Variants in WBP11 observed in about 807,000 individuals in gnomAD.
WBP11 encodes the protein WW domain-binding protein 11.
A neutral mutation model predicts 66.7 loss-of-function variants in WBP11; 12 were observed. The ratio of observed to expected loss-of-function variants is 0.18; its 90% CI spans 0.12 to 0.29. The LOEUF is 0.29. WBP11 is among the 10% of genes least tolerant of loss of function. The pLI is 1.00. For synonymous variants in WBP11, 255 were observed against 273.8 expected (o/e 0.93, Z 0.68); for missense variants, 555 against 818.3 (o/e 0.68, Z 3.93).
rs1483331879 is a variant in WBP11 at position 14,796,819 on chromosome 12, A to G, written c.375T>C (p.Phe125=). ...EQKRAQLSQY[F]DAVKNAQHVE... is the part of the protein sequence containing the mutation. ...AAACCTTGATTACCTTGACAGCATC[A>G]AAATATTGGCTAAGTTGAGCCCTCT... Residue 125 remains phenylalanine, a synonymous_variant, in exon 5 of 12, where the codon TTT becomes TTC. Transcript: ENST00000261167. This position sits in a 1 kb window ranked among gnomAD's most constrained non-coding sequence, Gnocchi z 4.5. The G allele has an allele frequency of 4.4e-6, 7 of 1,590,428 alleles. No individual in the cohort carries two copies. Among genetic ancestry groups the G allele is most frequent in the South Asian group, 1.2e-5 (1 of 85,056 alleles).
intron 4 of WBP11, among the ~76,000 whole-genome samples, chr12:14,797,419 A>G (rs1489409720): frequency 1.3e-5 from 2 of 152,236 alleles, no homozygotes. Flanking sequence ...ACTTTGTAAT[A>G]AAGCTATGAT....
At position 14,790,884 on chromosome 12, in the gene WBP11, A is replaced by G. The variant is rs143660493; in HGVS notation, c.1016-135T>C. ...ACCAAATAGTCTTCTTCAATAAAAT[A>G]CTTAGATGTGAAAGAAATAACATTC... is the stretch of plus-strand genomic sequence containing the variant. On this transcript the variant is annotated intron_variant, in intron 9 of 11. Transcript: ENST00000261167. 178 of 874,144 alleles carry G rather than the reference A, an allele frequency of 2.0e-4. 1 individual carries two copies. In the East Asian group the frequency reaches 4.4e-3, roughly 22 times the overall value. The allele number at this position is 874,144 out of a possible 1,614,324, so 54.1% of individuals were successfully genotyped here.
chr12:14,798,921 A>G (rs1026814960), intron 4 of WBP11, among the ~76,000 whole-genome samples: 4 of 152,196 alleles, frequency 2.6e-5, no homozygotes, highest in Non-Finnish European at 4.4e-5. Flanking sequence ...AAAAAAACAA[A>G]ATATTCTACA....
chr12:14,787,407 C>A lies in WBP11; in HGVS notation c.1584G>T (p.Leu528Phe). ...APPGLFPPAP[L>F]PNPGVLSAPP... ...GGGCACTTAAAACCCCAGGGTTTGG[C>A]AAGGGAGCTGGTGGGAACAGCCCAG... Residue 528 changes from leucine to phenylalanine, a missense_variant, in exon 12 of 12, where the codon TTG becomes TTT. Physicochemically the swap from Leu to Phe is conservative, Grantham distance 22. Around this residue, in one of 6 missense-constraint regions of WBP11, gnomAD observed 230 missense variants for 286.3 expected, o/e 0.80. Transcript: ENST00000261167. The A allele has an allele frequency of 6.3e-7, 1 of 1,578,130 alleles. No individual in the cohort carries two copies. The highest frequency in any genetic ancestry group is 8.6e-7 in the Non-Finnish European group (1 of 1,159,502).
At chr12:14,802,066 C>T (rs1255683985) in intron 1 of WBP11, 1 of 152,198 alleles carries the variant, frequency 6.6e-6, no homozygotes, top group Non-Finnish European at 1.5e-5. Context: ...TAGTGCTATA[C>T]TGAGAGCTCC....
chr12:14,791,370 A>C, intron 8 of WBP11, 100 bp from the exon 9 acceptor site: 1 of 878,854 alleles, frequency 1.1e-6, no homozygotes, highest in Non-Finnish European at 1.8e-6. Context: ...ATTGCTACCC[A>C]CTACTTGGCA....
chr12:14,795,088 T>G lies in WBP11; in HGVS notation c.404A>C (p.Glu135Ala). The G allele has an allele frequency of 6.2e-7, 1 of 1,609,590 alleles. No homozygotes were observed. Among genetic ancestry groups the G allele is most frequent in the African/African-American group, 1.3e-5 (1 of 74,820 alleles). The change falls in exon 6 of 12, where the codon GAA becomes GCA. Residue 135 changes from glutamate (E) to alanine (A), a missense_variant. Glu to Ala is a moderately radical substitution (Grantham distance 107). Coordinates refer to ENST00000261167, the MANE Select transcript of WBP11 (RefSeq NM_016312.3). ...FDAVKNAQHVEVESIPLPDMP... is the reference protein window; with the variant it reads ...FDAVKNAQHVAVESIPLPDMP... The stretch of plus-strand genomic sequence containing the variant: ...ATCTGGCAAAGGAATACTCTCCACT[T>G]CCACATGCTGAGCATTCTGAAACAG...
In WBP11 at chr12:14,799,801, C is replaced by A. The variant is rs1332885688; in HGVS notation, c.97-73G>T. The stretch of plus-strand genomic sequence containing the variant: ...TTTTACTTCAACTTGCTTTAAGAAT[C>A]TAAACAGAATAACTCCTTGGCTTCT... On this transcript the variant is annotated intron_variant, in intron 3 of 11. Transcript: ENST00000261167. 2.1e-6 allele frequency: 3 copies of A among 1,408,978 alleles called. No individual in the cohort carries two copies. In the African/African-American group the frequency reaches 4.3e-5, roughly 20 times the overall value. The allele number at this position is 1,408,978 out of a possible 1,614,324, so 87.3% of individuals were successfully genotyped here.
chr12:14,799,070 A>C (rs540950734), intron 4 of WBP11, among the ~76,000 whole-genome samples: 7 of 152,220 alleles, frequency 4.6e-5, no homozygotes, highest in Non-Finnish European at 8.8e-5. Flanking sequence ...CAAAGCAGCG[A>C]TACTTAAAAT....
At chr12:14,801,144 G>T in intron 2 of WBP11, 176 bp downstream of exon 2, 3 of 511,062 alleles carry the variant, frequency 5.9e-6, no homozygotes, top group South Asian at 4.3e-5. Flanking sequence ...ATAAAATACG[G>T]GTACTAATTT....
At position 14,794,847 on chromosome 12, in the gene WBP11, T is replaced by G. The variant is rs960294987; in HGVS notation, c.522-111A>C. On this transcript the variant is annotated intron_variant, in intron 6 of 11. Coordinates refer to ENST00000261167, the MANE Select transcript of WBP11 (RefSeq NM_016312.3). ...TTTCAAGGGATTTCTTATTTTACAT[T>G]TAATCAAATGTCACACTGTTTACAT... 1.9e-5 allele frequency: 30 copies of G among 1,555,476 alleles called. 1 individual carries two copies. In the Admixed American group the frequency reaches 3.8e-4, roughly 20 times the overall value.
In WBP11 at chr12:14,794,519, A is replaced by G. The variant is rs370178455; in HGVS notation, c.721+18T>C. 6 of 1,612,606 alleles carry G rather than the reference A, an allele frequency of 3.7e-6. No homozygotes were observed. The highest frequency in any genetic ancestry group is 5.1e-6 in the Non-Finnish European group (6 of 1,179,808). On this transcript the variant is annotated intron_variant, in intron 7 of 11. Transcript: ENST00000261167. Reference sequence around the variant, plus strand: ...AAAAAATGATAGTTATAAAAGCAAAAGAACAGTCACTTCTCACCAAGTTCA... The same window carrying G: ...AAAAAATGATAGTTATAAAAGCAAAGGAACAGTCACTTCTCACCAAGTTCA...
At chr12:14,799,111 A>G (rs1450574855) in intron 4 of WBP11, among the ~76,000 whole-genome samples, 2 of 152,226 alleles carry the variant, frequency 1.3e-5, no homozygotes, top group East Asian at 3.9e-4. Context: ...ACTATTCTAT[A>G]AAATGTGAAA....
At chr12:14,793,605 T>C in intron 8 of WBP11, 126 bp downstream of exon 8, 1 of 1,154,300 alleles carries the variant, frequency 8.7e-7, no homozygotes. Context: ...ATATATAAGA[T>C]GAACACAGCT....
intron 2 of WBP11, 67 bp from the exon 3 acceptor site, chr12:14,800,850 T>C: frequency 1.5e-6 from 2 of 1,340,778 alleles, no homozygotes; most frequent in Non-Finnish European, 2.1e-6. Flanking sequence ...TCCTCCAATT[T>C]AATACAGGTA....
intron 4 of WBP11, chr12:14,799,332 T>G (rs1426439488): frequency 5.1e-6 from 1 of 194,424 alleles, no homozygotes; most frequent in East Asian, 1.2e-4. Context: ...AACCCAAGGT[T>G]ATTTCATAAA....
chr12:14,799,775 G>A, intron 3 of WBP11, 47 bp from the exon 4 acceptor site: 8 of 1,557,126 alleles, frequency 5.1e-6, no homozygotes, highest in African/African-American at 1.4e-5. Context: ...GCACTCAGGA[G>A]TTTTACTTCA....
intron 3 of WBP11, among the ~76,000 whole-genome samples, chr12:14,800,202 T>C (rs969700712): frequency 1.3e-5 from 2 of 152,130 alleles, no homozygotes; most frequent in Non-Finnish European, 2.9e-5. Flanking sequence ...TGCTTCAATG[T>C]ATTATACTAT....
In WBP11 at chr12:14,786,011, A is replaced by G. The variant is rs1367382990; in HGVS notation, c.*1054T>C. On this transcript the variant is annotated 3_prime_UTR_variant, in exon 12 of 12. Transcript: ENST00000261167. The stretch of plus-strand genomic sequence containing the variant: ...TACATTAAAGCACTTTGTAAAGAAA[A>G]TGGTATAAATGCAAATTAATGTTAA... 1 of 152,188 alleles carries G rather than the reference A, an allele frequency of 6.6e-6. No individual in the cohort carries two copies. Among genetic ancestry groups the G allele is most frequent in the Non-Finnish European group, 1.5e-5 (1 of 68,012 alleles). The allele number at this position is 152,188 out of a possible 1,614,324, so 9.4% of individuals were successfully genotyped here. A position where few individuals can be genotyped will look rare whatever the true frequency, so the allele number is the denominator to read the frequency against.
Sources: allele counts gnomAD v4.1 joint callset (sites outside exome capture counted in the v4.1 genomes callset), GRCh38; gene constraint gnomAD v4.1.1; regional missense constraint gnomAD v4.1.1; non-coding constraint Gnocchi (gnomAD v3.1); transcripts MANE v1.5; gene names NCBI Gene and HGNC (gene_info 2026-07-23, HGNC 2026-07-21).